Variants in MYCBP2 observed in about 807,000 individuals in gnomAD.
The protein encoded by MYCBP2 is E3 ubiquitin-protein ligase MYCBP2.
A neutral mutation model predicts 525.3 loss-of-function variants in MYCBP2; 120 were observed. The ratio of observed to expected loss-of-function variants is 0.23; its 90% confidence interval spans 0.20 to 0.27. MYCBP2 has a LOEUF of 0.27. Among genes scored for constraint, MYCBP2 ranks in the 10% least tolerant of loss-of-function variants. The pLI, the probability that MYCBP2 is intolerant of heterozygous loss-of-function variation, is 1.00. For missense variants in MYCBP2, 4,149 were observed against 5,657.1 expected (o/e 0.73, Z 8.55); for synonymous variants, 1,894 against 1,955.8 (o/e 0.97, Z 0.83).
intron 68 of MYCBP2, 27 bp downstream of exon 68, chr13:77,076,723 TA>T: frequency 1.5e-6 from 2 of 1,348,722 alleles, no homozygotes. Flanking sequence ...AAAAGGGAAA[TA>T]AATATCTTTA....
intron 15 of MYCBP2, among the ~76,000 whole-genome samples, chr13:77,249,951 C>T (rs2070855143): frequency 6.6e-6 from 1 of 152,012 alleles, no homozygotes; most frequent in Non-Finnish European, 1.5e-5. Context: ...TGGCCGGGCG[C>T]GGTGGCTCAC....
intron 28 of MYCBP2, among the ~76,000 whole-genome samples, 200 bp from the exon 29 acceptor site, chr13:77,190,535 G>T (rs897917188): frequency 6.6e-6 from 1 of 152,142 alleles, no homozygotes; most frequent in Non-Finnish European, 1.5e-5. Context: ...ACGTGATTAG[G>T]ACTCCTAAAT....
Position 77,185,174 on chromosome 13 carries a change from A to G in MYCBP2, c.4648T>C (p.Phe1550Leu). ...GCAGGAGTTGGGTAGAAAGAATGAA[A>G]GCAGGCAGTGAAAGTATTATGACAT... ...QECHNTFTAC[F>L]HSFYPTPALQ... The change falls in exon 32 of 83, where the codon TTT (phenylalanine) becomes CTT (leucine). Residue 1550 changes from phenylalanine (F) to leucine (L), a missense_variant. Coordinates refer to ENST00000544440, the MANE Select transcript of MYCBP2 (RefSeq NM_015057.5). 2 of 1,614,158 alleles carry G rather than the reference A, an allele frequency of 1.2e-6. No homozygotes were observed. Among genetic ancestry groups the G allele is most frequent in the Non-Finnish European group, 1.7e-6 (2 of 1,179,990 alleles).
chr13:77,196,419 G>T (rs1288470796), intron 26 of MYCBP2, among the ~76,000 whole-genome samples: 2 of 152,206 alleles, frequency 1.3e-5, no homozygotes, highest in Non-Finnish European at 2.9e-5. Flanking sequence ...GCCACACTCA[G>T]AACAGAACAA....
intron 20 of MYCBP2, among the ~76,000 whole-genome samples, chr13:77,221,182 C>G (rs188406712): frequency 7.2e-5 from 11 of 152,096 alleles, no homozygotes; most frequent in Admixed American, 6.6e-4. Flanking sequence ...TATTTTGTTT[C>G]AACATTAAAT....
At chr13:77,141,034 T>A (rs1326607938) in intron 49 of MYCBP2, 91 bp from the exon 50 acceptor site, 2 of 871,934 alleles carry the variant, frequency 2.3e-6, no homozygotes, top group Non-Finnish European at 3.6e-6. Flanking sequence ...CAGGCTATTT[T>A]TAAAAATTAA....
intron 55 of MYCBP2, among the ~76,000 whole-genome samples, chr13:77,114,695 T>C (rs1404292720): frequency 6.6e-6 from 1 of 152,070 alleles, no homozygotes; most frequent in Admixed American, 6.6e-5. Flanking sequence ...TTTTGACATA[T>C]ATCATATATT....
chr13:77,276,110 T>C (rs980392311), intron 4 of MYCBP2, among the ~76,000 whole-genome samples: 1 of 152,234 alleles, frequency 6.6e-6, no homozygotes, highest in Non-Finnish European at 1.5e-5. Context: ...GTATCGCACA[T>C]TCTTAGCACA....
At position 77,062,712 on chromosome 13, in the gene MYCBP2, G is replaced by A; in HGVS notation, c.12673-15C>T. On this transcript the variant is annotated splice_polypyrimidine_tract_variant and intron_variant, in intron 73 of 82. Coordinates refer to ENST00000544440, the MANE Select transcript of MYCBP2 (RefSeq NM_015057.5). ...GCAAGCCAGAGCTGTTGAAAGGGAA[G>A]GCTGTTACACCACTGAATTTTTAGG... 1 of 1,605,378 alleles carries A rather than the reference G, an allele frequency of 6.2e-7. No homozygotes were observed. The highest frequency in any genetic ancestry group is 8.5e-7 in the Non-Finnish European group (1 of 1,172,194).
At chr13:77,292,647 G>A (rs891198441) in intron 2 of MYCBP2, among the ~76,000 whole-genome samples, 2 of 152,096 alleles carry the variant, frequency 1.3e-5, no homozygotes, top group African/African-American at 4.8e-5. Flanking sequence ...GTTATAGGGA[G>A]GGATGGAATC....
chr13:77,218,029 A>G lies in MYCBP2; in HGVS notation c.2940-72T>C, dbSNP rs2065061843. The G allele has an allele frequency of 2.3e-5, 23 of 1,013,192 alleles. 1 individual carries two copies. The South Asian group carries it at 3.3e-4, about 14-fold the overall frequency. 62.8% of individuals were successfully genotyped at this position (1,013,192 alleles called of 1,614,324 possible). A position where few individuals can be genotyped will look rare whatever the true frequency, so the allele number is the denominator to read the frequency against. On this transcript the variant is annotated intron_variant, in intron 20 of 82. Transcript: ENST00000544440. The stretch of plus-strand genomic sequence containing the variant: ...CTAAAATAAAAACAATAAGTAAGCA[A>G]TGCAACAAGGAGTAGGAAAGATAAA...
intron 55 of MYCBP2, among the ~76,000 whole-genome samples, chr13:77,101,588 A>G (rs1322952652): frequency 6.6e-6 from 1 of 152,032 alleles, no homozygotes; most frequent in African/African-American, 2.4e-5. Context: ...ATCTTATTAT[A>G]TCTCTAATAG....
intron 21 of MYCBP2, among the ~76,000 whole-genome samples, chr13:77,216,350 A>G (rs889810420): frequency 3.9e-5 from 6 of 152,238 alleles, no homozygotes; most frequent in African/African-American, 1.2e-4. Context: ...TTTTTTAAAC[A>G]TTATAGTAAA....
chr13:77,241,108 A>G (rs2068754312), intron 17 of MYCBP2, among the ~76,000 whole-genome samples: 1 of 151,882 alleles, frequency 6.6e-6, no homozygotes, highest in African/African-American at 2.4e-5. Context: ...TAGCTAGTGG[A>G]GGATTTTTTT....
At chr13:77,196,214 A>G (rs941536000) in intron 26 of MYCBP2, among the ~76,000 whole-genome samples, 3 of 152,368 alleles carry the variant, frequency 2.0e-5, no homozygotes, top group Admixed American at 1.3e-4. Flanking sequence ...CTGAGGAACA[A>G]TAAGCAGGCC....
In MYCBP2 at chr13:77,294,107, T is replaced by TATATATATATATATATAC. The variant is rs2077798517; in HGVS notation, c.378+2491_378+2492insGTATATATATATATATAT. ...AGCCATAAAGTAGATATAATGGCTA[T>TATATATATATATATATAC]ATATATATATATATATATATATACA... is the stretch of plus-strand genomic sequence containing the variant. On this transcript the variant is annotated intron_variant, in intron 2 of 82. Coordinates refer to ENST00000544440, the MANE Select transcript of MYCBP2 (RefSeq NM_015057.5). Among the ~76,000 whole-genome samples the TATATATATATATATATAC allele has an allele frequency of 4.1e-4, 18 of 43,902 alleles. 1 individual carries two copies. Among genetic ancestry groups the TATATATATATATATATAC allele is most frequent in the Admixed American group, 1.2e-3 (3 of 2,608 alleles). The allele number at this position is 43,902 out of a possible 152,430, so 28.8% of individuals were successfully genotyped here. A position where few individuals can be genotyped will look rare whatever the true frequency, so the allele number is the denominator to read the frequency against.
Position 77,139,274 on chromosome 13 carries a change from A to T in MYCBP2, c.7581T>A (p.Pro2527=). Residue 2527 remains proline, a synonymous_variant, in exon 52 of 83, where the codon CCT becomes CCA. Transcript: ENST00000544440. ...AGGCTTCAGTGTAACCATTCATGTT[A>T]GGGACATACTTCTTTATTGTCTCAT... The part of the protein sequence containing the change: ...LNDETIKKYV[P]NMNGYTEAWC... 6.2e-7 allele frequency: 1 copy of T among 1,613,970 alleles called. No homozygotes were observed. Among genetic ancestry groups the T allele is most frequent in the Non-Finnish European group, 8.5e-7 (1 of 1,179,868 alleles).
chr13:77,289,471 C>A (rs922093096), intron 2 of MYCBP2, among the ~76,000 whole-genome samples: 3 of 151,150 alleles, frequency 2.0e-5, no homozygotes, highest in African/African-American at 7.3e-5. Flanking sequence ...CAAATAAACA[C>A]AGAAAGATCA....
At chr13:77,297,379 A>T (rs2078300450) in intron 1 of MYCBP2, among the ~76,000 whole-genome samples, 1 of 152,218 alleles carries the variant, frequency 6.6e-6, no homozygotes, top group African/African-American at 2.4e-5. Context: ...GTCCCCAAGG[A>T]GCTCAGAGAC....
Sources: allele counts gnomAD v4.1 joint callset (sites outside exome capture counted in the v4.1 genomes callset), GRCh38; gene constraint gnomAD v4.1.1; transcripts MANE v1.5; gene names NCBI Gene and HGNC (gene_info 2026-07-23, HGNC 2026-07-21).